LMO7: variants seen among roughly 807,000 people sequenced by gnomAD.
The protein encoded by LMO7 is LIM domain 7.
A neutral mutation model predicts 206.5 loss-of-function variants in LMO7; 120 were observed. The observed-to-expected ratio is 0.58, with a 90% CI of 0.50 to 0.68. LMO7 has a LOEUF of 0.68. Among genes scored for constraint, LMO7 ranks in the 30% least tolerant of loss-of-function variants. The pLI, the probability that LMO7 is intolerant of heterozygous loss-of-function variation, is 0.00. For synonymous variants in LMO7, 706 were observed against 681.5 expected (o/e 1.04, Z -0.56); for missense variants, 1,959 against 1,957.9 (o/e 1.00, Z -0.01).
intron 1 of LMO7, chr13:75,623,133 T>A (rs2033543443): frequency 4.0e-6 from 2 of 503,788 alleles, no homozygotes; most frequent in Non-Finnish European, 3.6e-6. Flanking sequence ...TTATTTATTT[T>A]GGCATCTCTA....
intron 15 of LMO7, among the ~76,000 whole-genome samples, chr13:75,829,048 C>T (rs113800000): frequency 2.2e-4 from 34 of 152,006 alleles, no homozygotes; most frequent in Non-Finnish European, 2.9e-4. Context: ...CAGGTTTGGG[C>T]GGAAGATAAT....
intron 18 of LMO7, among the ~76,000 whole-genome samples, chr13:75,836,069 T>C (rs1034686989): frequency 3.3e-5 from 5 of 152,144 alleles, no homozygotes; most frequent in Admixed American, 2.6e-4. Context: ...TGTTTAAGTG[T>C]TTGAGAATCC....
Position 75,807,758 on chromosome 13 carries a change from A to C in LMO7, c.1475A>C (p.Asp492Ala). The C allele has an allele frequency of 5.0e-6, 8 of 1,613,996 alleles. No homozygotes were observed. The highest frequency in any genetic ancestry group is 6.8e-6 in the Non-Finnish European group (8 of 1,179,876). Residue 492 changes from aspartate (D) to alanine (A), a missense_variant, in exon 10 of 31, where the codon GAT (aspartate) becomes GCT (alanine). Asp to Ala is a moderately radical substitution (Grantham distance 126). Coordinates refer to ENST00000377534, the MANE Select transcript of LMO7 (RefSeq NM_001306080.2). ...TTTAGAAAGTTCTCTGAGCAAGATG[A>C]TTCTGTAGAGCGAGATATAATTTTA... ...EDFRKFSEQD[D>A]SVERDIILQC...
intron 6 of LMO7, among the ~76,000 whole-genome samples, chr13:75,797,431 A>G (rs369098123): frequency 3.3e-5 from 5 of 152,182 alleles, no homozygotes; most frequent in African/African-American, 1.2e-4. Context: ...TAAGATCCAC[A>G]TGGGAAAAAC....
chr13:75,801,949 ATCTC>A (rs762499347), intron 7 of LMO7, among the ~76,000 whole-genome samples: 1 of 124,524 alleles, frequency 8.0e-6, no homozygotes, highest in Admixed American at 8.9e-5. Context: ...TCTTATACTC[ATCTC>A]TCTCTCCTCT....
intron 1 of LMO7, among the ~76,000 whole-genome samples, chr13:75,698,558 G>A (rs1423410158): frequency 6.6e-6 from 1 of 151,120 alleles, no homozygotes; most frequent in Non-Finnish European, 1.5e-5. Flanking sequence ...CAAAGTGCTG[G>A]AATTACAGAT....
chr13:75,837,123 G>A lies in LMO7; in HGVS notation c.3394+666G>A, dbSNP rs141942546. Among the ~76,000 whole-genome samples, 9 of 152,274 alleles carry A rather than the reference G, an allele frequency of 5.9e-5. No homozygotes were observed. The East Asian group carries it at 1.7e-3, about 29-fold the overall frequency. On this transcript the variant is annotated intron_variant, in intron 19 of 30. Coordinates refer to ENST00000377534, the MANE Select transcript of LMO7 (RefSeq NM_001306080.2). ...CCTAGACTGCCAAGAATGGGACTGG[G>A]TTTTCACAGTGCTTTGGTGGCTTTA...
rs578116455 is a variant in LMO7, at chr13:75,731,833, A to G, written c.210+4735A>G. Among the ~76,000 whole-genome samples, 21 of 152,062 alleles carry G rather than the reference A, an allele frequency of 1.4e-4. No homozygotes were observed. In the East Asian group the frequency reaches 3.7e-3, roughly 27 times the overall value. ...CTTTTAGGGCAGGCCTGGTGGTGAC[A>G]AAATCTCTCAGCATTTGCTTGTCTG... On this transcript the variant is annotated intron_variant, in intron 3 of 30. Transcript: ENST00000377534.
chr13:75,844,634 C>G (rs916598567), intron 25 of LMO7, among the ~76,000 whole-genome samples: 1 of 152,038 alleles, frequency 6.6e-6, no homozygotes, highest in African/African-American at 2.4e-5. Context: ...GCTTCAAACT[C>G]CTGACCTCAA....
chr13:75,848,962 A>C lies in LMO7; in HGVS notation c.4151-117A>C. 3 of 642,812 alleles carry C rather than the reference A, an allele frequency of 4.7e-6. No individual in the cohort carries two copies. The East Asian group carries it at 8.2e-5, about 18-fold the overall frequency. The allele number at this position is 642,812 out of a possible 1,614,324, so 39.8% of individuals were successfully genotyped here. On this transcript the variant is annotated intron_variant, in intron 26 of 30. Transcript: ENST00000377534. The stretch of plus-strand genomic sequence containing the variant: ...TGATTATGGCCATTCTTGCAGGAGT[A>C]AGGTGGTATCACATTATGGTTTTGA...
At chr13:75,742,226 A>T (rs2046473220) in intron 3 of LMO7, among the ~76,000 whole-genome samples, 1 of 152,204 alleles carries the variant, frequency 6.6e-6, no homozygotes, top group African/African-American at 2.4e-5. Flanking sequence ...AAATCAGAGA[A>T]ATCAGAGATG....
chr13:75,817,310 T>A (rs761705880), intron 12 of LMO7, 32 bp downstream of exon 12: 2 of 1,358,632 alleles, frequency 1.5e-6, no homozygotes, highest in Admixed American at 3.4e-5. Context: ...GGGGAGAGAG[T>A]GTATTTGTCT....
chr13:75,634,067 C>T (rs1383634183), upstream of LMO7, among the ~76,000 whole-genome samples: 1 of 151,060 alleles, frequency 6.6e-6, no homozygotes, highest in East Asian at 2.0e-4. Context: ...TCTCAAACTC[C>T]TGACCTTGTG....
At chr13:75,626,595 A>ATATATATATATTTTTTTTTTTTTTTTTTT in intron 2 of LMO7, among the ~76,000 whole-genome samples, 5 of 71,176 alleles carry the variant, frequency 7.0e-5, no homozygotes, top group Non-Finnish European at 1.1e-4. Flanking sequence ...ATATATATAA[A>ATATATATATATTTTTTTTTTTTTTTTTTT]TTTTTTTGAG....
At position 75,857,976 on chromosome 13, in the gene LMO7, TAGA is replaced by T. The variant is rs1595583910; in HGVS notation, c.*40_*42del. 1 of 1,609,778 alleles carries T rather than the reference TAGA, an allele frequency of 6.2e-7. No homozygotes were observed. The highest frequency in any genetic ancestry group is 1.3e-5 in the African/African-American group (1 of 74,736). ...CTCCATACGAAAGCACTGTTGCAGATAGAAGAAGAGGTGGTTGCTGCTCATGTA... is the reference window on the plus strand; with the variant it reads ...CTCCATACGAAAGCACTGTTGCAGATAGAAGAGGTGGTTGCTGCTCATGTA... On this transcript the variant is annotated 3_prime_UTR_variant, in exon 31 of 31. Transcript: ENST00000377534.
In LMO7 at chr13:75,846,633, G is replaced by GGAAT. The variant is rs1749277832; in HGVS notation, c.4150+1255_4150+1258dup. 7.9e-5 allele frequency among the ~76,000 whole-genome samples: 12 copies of GGAAT among 152,190 alleles called. No homozygotes were observed. The South Asian group carries it at 2.5e-3, about 32-fold the overall frequency. ...TCAGTAACTGCAACTGTGAATCTCC[G>GGAAT]GAATAATCTTGTTAATATTTGTGGC... On this transcript the variant is annotated intron_variant, in intron 26 of 30. Transcript: ENST00000377534.
chr13:75,659,997 C>T (rs886915810), intron 1 of LMO7, among the ~76,000 whole-genome samples: 8 of 152,160 alleles, frequency 5.3e-5, no homozygotes, highest in African/African-American at 1.7e-4. Flanking sequence ...CAGATCAAAA[C>T]TCCATTCCTT....
intron 19 of LMO7, among the ~76,000 whole-genome samples, chr13:75,836,712 A>C (rs988157398): frequency 1.3e-5 from 2 of 152,196 alleles, no homozygotes; most frequent in African/African-American, 4.8e-5. Flanking sequence ...GCCTAAGTCA[A>C]ATAAGAAAGA....
chr13:75,655,102 C>G (rs987360291), intron 1 of LMO7, among the ~76,000 whole-genome samples: 1 of 152,126 alleles, frequency 6.6e-6, no homozygotes, highest in Non-Finnish European at 1.5e-5. Context: ...AACTCCTGAC[C>G]TTAGGTGATC....
Sources: gnomAD v4.1 joint callset for allele counts (sites outside exome capture counted in the v4.1 genomes callset) on GRCh38, gnomAD v4.1.1 for gene constraint, MANE v1.5 for transcripts, NCBI Gene and HGNC (gene_info 2026-07-23, HGNC 2026-07-21) for gene names.